The following NR6A1 variants were observed in gnomAD, a reference collection of about 807,000 sequenced individuals.
NR6A1 encodes the protein retinoic acid receptor-related testis-associated receptor.
A neutral mutation model predicts 59.1 loss-of-function variants in NR6A1; 7 were observed. That is an observed-to-expected ratio of 0.12 (90% CI 0.07 to 0.22). The LOEUF (loss-of-function observed/expected upper bound fraction) is 0.22, where lower values mean the gene tolerates loss of function less well. Ranked by LOEUF, NR6A1 falls within the 10% of genes least tolerant of loss-of-function variation. The pLI is 1.00. For missense variants in NR6A1, 468 were observed against 611.6 expected (o/e 0.77, Z 2.48); for synonymous variants, 243 against 236.1 (o/e 1.03, Z -0.27).
rs1348929670 is a variant in NR6A1, at chr9:124,522,689, G to C, written c.*16C>G. 2 of 1,557,976 alleles carry C rather than the reference G, an allele frequency of 1.3e-6. No individual in the cohort carries two copies. Among genetic ancestry groups the C allele is most frequent in the Admixed American group, 1.9e-5 (1 of 52,510 alleles). On this transcript the variant is annotated 3_prime_UTR_variant, in exon 10 of 10. Transcript: ENST00000487099. ...CAAGACGCTGTGGTTGGCCTGAGGA[G>C]GGCGCCTGGAACAGGTCATTCCTTG...
chr9:124,527,133 T>C (rs1564163964), intron 7 of NR6A1, among the ~76,000 whole-genome samples: 1 of 152,164 alleles, frequency 6.6e-6, no homozygotes, highest in Non-Finnish European at 1.5e-5. Flanking sequence ...TCCAGCTCCA[T>C]CACACACAAG....
chr9:124,604,813 C>CA lies in NR6A1; in HGVS notation c.143-50244dup, dbSNP rs1189682803. On this transcript the variant is annotated intron_variant, in intron 2 of 9. Coordinates refer to ENST00000487099, the MANE Select transcript of NR6A1 (RefSeq NM_033334.4). ...TGAGTGACAGAGCAAGACCCTGTCT[C>CA]AAAAAAAAAATAATTTTTAAAATGA... Among the ~76,000 whole-genome samples, 913 of 142,936 alleles carry CA rather than the reference C, an allele frequency of 6.4e-3. 11 individuals are homozygous for CA. The highest frequency in any genetic ancestry group is 0.027 in the South Asian group (120 of 4,492). 93.8% of individuals were successfully genotyped at this position (142,936 alleles called of 152,430 possible).
At chr9:124,593,206 A>C (rs1421337763) in intron 2 of NR6A1, among the ~76,000 whole-genome samples, 10 of 152,182 alleles carry the variant, frequency 6.6e-5, no homozygotes, top group African/African-American at 2.4e-4. Context: ...TCTTGACTAT[A>C]AGTCTGGTTT....
At chr9:124,721,034 G>A (rs1347806411) in intron 2 of NR6A1, among the ~76,000 whole-genome samples, 1 of 152,038 alleles carries the variant, frequency 6.6e-6, no homozygotes, top group African/African-American at 2.4e-5. Context: ...AAATGTTACT[G>A]CAATATTGCT....
chr9:124,738,757 C>T (rs1840087162), intron 1 of NR6A1, among the ~76,000 whole-genome samples: 1 of 151,986 alleles, frequency 6.6e-6, no homozygotes, highest in African/African-American at 2.4e-5. Flanking sequence ...GTAATCCCAG[C>T]ACTTTGGGAG....
intron 1 of NR6A1, among the ~76,000 whole-genome samples, chr9:124,738,313 C>G (rs530685234): frequency 1.3e-5 from 2 of 152,116 alleles, no homozygotes; most frequent in Non-Finnish European, 2.9e-5. Context: ...AACAAACATA[C>G]CCCCAAACCC....
chr9:124,668,106 AGTTG>A (rs1004469486), intron 2 of NR6A1, among the ~76,000 whole-genome samples: 4 of 152,202 alleles, frequency 2.6e-5, no homozygotes, highest in Non-Finnish European at 5.9e-5. Flanking sequence ...CTTACTGATA[AGTTG>A]GTTAATACAT....
At chr9:124,531,975 G>A (rs576148913) in intron 7 of NR6A1, among the ~76,000 whole-genome samples, 1 of 152,226 alleles carries the variant, frequency 6.6e-6, no homozygotes, top group East Asian at 1.9e-4. Context: ...AATCCATCCT[G>A]AACTTTACTG....
rs367696547 is a variant in NR6A1, at chr9:124,695,110, C to G, written c.142+38198G>C. 9.8e-5 allele frequency among the ~76,000 whole-genome samples: 15 copies of G among 152,312 alleles called. No homozygotes were observed. The East Asian group carries it at 2.7e-3, about 27-fold the overall frequency. ...CCCATCCCACCACCACATTTCATGT[C>G]ATCCACTTTTCAACTATTGCCCAAC... On this transcript the variant is annotated intron_variant, in intron 2 of 9. Coordinates refer to ENST00000487099, the MANE Select transcript of NR6A1 (RefSeq NM_033334.4).
intron 2 of NR6A1, among the ~76,000 whole-genome samples, chr9:124,626,624 A>G (rs1836247791): frequency 6.6e-6 from 1 of 152,186 alleles, no homozygotes; most frequent in East Asian, 1.9e-4. Context: ...TGGAACTTAA[A>G]AGGCTATCCC....
At chr9:124,751,165 AAAAGG>A (rs1256808157) in intron 1 of NR6A1, among the ~76,000 whole-genome samples, 10 of 152,250 alleles carry the variant, frequency 6.6e-5, no homozygotes, top group Non-Finnish European at 1.2e-4. Flanking sequence ...AGCTCAAGAA[AAAAGG>A]AAAGGCAAAC....
chr9:124,744,786 T>G (rs1840277382), intron 1 of NR6A1, among the ~76,000 whole-genome samples: 1 of 152,244 alleles, frequency 6.6e-6, no homozygotes, highest in Non-Finnish European at 1.5e-5. Flanking sequence ...TTGAACATGG[T>G]CAGAGAGCTT....
chr9:124,732,129 A>T (rs753736981), intron 2 of NR6A1, among the ~76,000 whole-genome samples: 1 of 152,238 alleles, frequency 6.6e-6, no homozygotes, highest in Non-Finnish European at 1.5e-5. Context: ...ATTTATACTA[A>T]TAAGGAGGGC....
intron 2 of NR6A1, among the ~76,000 whole-genome samples, chr9:124,708,110 C>A (rs943931473): frequency 6.6e-6 from 1 of 152,204 alleles, no homozygotes; most frequent in Admixed American, 6.5e-5. Context: ...CTTGTTAAAG[C>A]CCTGGCTAGT....
At position 124,645,156 on chromosome 9, in the gene NR6A1, G is replaced by GA. The variant is rs539795579; in HGVS notation, c.142+88151dup. Among the ~76,000 whole-genome samples, 174 of 151,868 alleles carry GA rather than the reference G, an allele frequency of 1.1e-3. 1 individual carries two copies. The highest frequency in any genetic ancestry group is 3.8e-3 in the African/African-American group (158 of 41,420). On this transcript the variant is annotated intron_variant, in intron 2 of 9. Coordinates refer to ENST00000487099, the MANE Select transcript of NR6A1 (RefSeq NM_033334.4). ...ACAATTGTTATACTAAGAAATGAGA[G>GA]AAAATGGAAACACATAAAATGCTCA...
intron 7 of NR6A1, among the ~76,000 whole-genome samples, chr9:124,534,973 A>T (rs1423587807): frequency 6.6e-6 from 1 of 152,126 alleles, no homozygotes; most frequent in East Asian, 1.9e-4. Context: ...ATATACAAAA[A>T]ATTAGCCGGG....
At chr9:124,660,429 C>T (rs976800556) in intron 2 of NR6A1, among the ~76,000 whole-genome samples, 7 of 152,080 alleles carry the variant, frequency 4.6e-5, no homozygotes, top group Admixed American at 6.5e-5. Context: ...ATTCACATGA[C>T]GATTCGAAAA....
At chr9:124,623,095 G>A (rs1308059000) in intron 2 of NR6A1, among the ~76,000 whole-genome samples, 1 of 152,170 alleles carries the variant, frequency 6.6e-6, no homozygotes, top group Admixed American at 6.5e-5. Context: ...GAGGTTGGCA[G>A]GATTGTCTCT....
At chr9:124,643,297 G>A (rs1318730160) in intron 2 of NR6A1, among the ~76,000 whole-genome samples, 1 of 151,468 alleles carries the variant, frequency 6.6e-6, no homozygotes, top group Non-Finnish European at 1.5e-5. Context: ...CTGTCTCTAT[G>A]AAATATTTTA....
Sources: gnomAD v4.1 joint callset for allele counts (sites outside exome capture counted in the v4.1 genomes callset) on GRCh38, gnomAD v4.1.1 for gene constraint, MANE v1.5 for transcripts, NCBI Gene and HGNC (gene_info 2026-07-23, HGNC 2026-07-21) for gene names.